Variants in CATSPERD observed in about 807,000 individuals in gnomAD.
The protein encoded by CATSPERD is catsper channel auxiliary subunit delta, also known as cation channel sperm-associated auxiliary subunit delta.
CATSPERD carries 86 observed loss-of-function variants against 98.1 expected under a neutral mutation model. The ratio of observed to expected loss-of-function variants is 0.88; its 90% CI spans 0.74 to 1.05. The LOEUF (loss-of-function observed/expected upper bound fraction) is 1.05, where lower values mean the gene tolerates loss of function less well. Among genes scored for constraint, CATSPERD ranks in the 50% least tolerant of loss-of-function variants. The probability of loss-of-function intolerance (pLI) is 0.00; values close to 1 mark genes in which losing one functional copy is unlikely to be tolerated. For missense variants in CATSPERD, 995 were observed against 1,005.7 expected (o/e 0.99, Z 0.14); for synonymous variants, 394 against 390.2 (o/e 1.01, Z -0.12).
At chr19:5,751,054 A>G (rs1391830334) in intron 11 of CATSPERD, among the ~76,000 whole-genome samples, 1 of 151,016 alleles carries the variant, frequency 6.6e-6, no homozygotes, top group Non-Finnish European at 1.5e-5. Context: ...CTCTACTAAA[A>G]ATACAAAAAT....
Position 5,749,141 on chromosome 19 carries a change from G to A in CATSPERD, c.945G>A (p.Leu315=). ...CAGTTATAACTCGGGAGGATAATTT[G>A]TATTATGGCAATCTGGGCATCGTGC... ...ELAVITREDN[L]YYGNLGIVPS... Residue 315 remains leucine, a synonymous_variant, in exon 11 of 22, where the codon TTG becomes TTA. Transcript: ENST00000381624. 1 of 1,612,668 alleles carries A rather than the reference G, an allele frequency of 6.2e-7. No individual in the cohort carries two copies. The highest frequency in any genetic ancestry group is 8.5e-7 in the Non-Finnish European group (1 of 1,179,446).
At chr19:5,746,138 G>A in intron 9 of CATSPERD, 75 bp downstream of exon 9, 1 of 1,532,448 alleles carries the variant, frequency 6.5e-7, no homozygotes, top group South Asian at 1.1e-5. Flanking sequence ...CCTGGATAAG[G>A]GGAGGGGAAG....
chr19:5,757,804 T>G (rs1262768455), intron 13 of CATSPERD, 39 bp from the exon 14 acceptor site: 1 of 1,545,582 alleles, frequency 6.5e-7, no homozygotes, highest in East Asian at 2.3e-5. Flanking sequence ...TCCTGCCTGC[T>G]GGCTCCGTAC....
chr19:5,768,199 G>A lies in CATSPERD; in HGVS notation c.1591G>A (p.Asp531Asn). The A allele has an allele frequency of 6.2e-7, 1 of 1,613,782 alleles. No individual in the cohort carries two copies. Among genetic ancestry groups the A allele is most frequent in the Non-Finnish European group, 8.5e-7 (1 of 1,179,824 alleles). Reference protein sequence around the residue: ...KVSACSMGILDPLTLQDNYSF... With the variant: ...KVSACSMGILNPLTLQDNYSF... The stretch of plus-strand genomic sequence containing the variant: ...TTCCGCCTGTTCCATGGGCATCCTG[G>A]ACCCCTTGACCCTGCAAGACAATTA... The change falls in exon 18 of 22, where the codon GAC (aspartate) becomes AAC (asparagine). Residue 531 changes from aspartate to asparagine, a missense_variant. By Grantham distance (23) the Asp-to-Asn change is conservative. Coordinates refer to ENST00000381624, the MANE Select transcript of CATSPERD (RefSeq NM_152784.4).
At chr19:5,772,658 C>A (rs1599598727) in intron 19 of CATSPERD, 130 bp from the exon 20 acceptor site, 2 of 851,786 alleles carry the variant, frequency 2.3e-6, no homozygotes, top group South Asian at 1.7e-5. Flanking sequence ...GAGCGGCAGG[C>A]GTCCTTTGGT....
intron 19 of CATSPERD, 100 bp downstream of exon 19, chr19:5,771,172 C>A: frequency 7.6e-7 from 1 of 1,307,596 alleles, no homozygotes; most frequent in Non-Finnish European, 1.0e-6. Context: ...CCCCTAGATC[C>A]CTCAAAATGA....
At chr19:5,764,699 C>T (rs2056506703) in intron 16 of CATSPERD, among the ~76,000 whole-genome samples, 1 of 151,928 alleles carries the variant, frequency 6.6e-6, no homozygotes, top group African/African-American at 2.4e-5. Context: ...TCACTGTAAC[C>T]TCCACCTCCT....
intron 15 of CATSPERD, among the ~76,000 whole-genome samples, chr19:5,759,380 G>T (rs140929857): frequency 1.3e-5 from 2 of 151,748 alleles, no homozygotes; most frequent in Admixed American, 1.3e-4. Context: ...TAGCCAACAC[G>T]GTGAAACCCC....
chr19:5,721,964 A>C (rs1208061680), intron 1 of CATSPERD, among the ~76,000 whole-genome samples: 1 of 150,578 alleles, frequency 6.6e-6, no homozygotes, highest in Admixed American at 6.6e-5. Flanking sequence ...CTGGGTGACA[A>C]AGGGAGACTC....
intron 20 of CATSPERD, among the ~76,000 whole-genome samples, chr19:5,775,481 C>CAA (rs35784220): frequency 0.025 from 2,563 of 102,802 alleles, 38 homozygotes; most frequent in Middle Eastern, 0.049. Flanking sequence ...ACTAAAAATA[C>CAA]AAAAAAAAAA....
At chr19:5,745,689 C>G (rs2056079687) in intron 8 of CATSPERD, among the ~76,000 whole-genome samples, 1 of 152,182 alleles carries the variant, frequency 6.6e-6, no homozygotes, top group Non-Finnish European at 1.5e-5. Flanking sequence ...TAGAGTAATT[C>G]TCTATTCAGA....
chr19:5,737,204 TG>T lies in CATSPERD; in HGVS notation c.459+1del. ...TGTTATACTGGAAGTTTGTTTTGTG[TG>T]GTAAGTATAAGTGTATAATTGTTCA... ...NCCYTGSLFC[V>X]HVSNLVFAYF... is the part of the protein sequence containing the mutation. On this transcript the variant is annotated frameshift_variant and splice_region_variant, in exon 6 of 22. Coordinates refer to ENST00000381624, the MANE Select transcript of CATSPERD (RefSeq NM_152784.4). LOFTEE classifies it high-confidence loss of function. 6.2e-7 allele frequency: 1 copy of T among 1,601,132 alleles called. No individual in the cohort carries two copies. The highest frequency in any genetic ancestry group is 8.6e-7 in the Non-Finnish European group (1 of 1,168,396).
At chr19:5,727,483 C>G (rs537135469) in intron 3 of CATSPERD, 139 bp downstream of exon 3, 2 of 648,524 alleles carry the variant, frequency 3.1e-6, no homozygotes, top group African/African-American at 1.8e-5. Flanking sequence ...AGTCCATAGT[C>G]AGGGGCTGGA....
chr19:5,739,116 C>T (rs934787623), intron 6 of CATSPERD, among the ~76,000 whole-genome samples: 1 of 152,210 alleles, frequency 6.6e-6, no homozygotes, highest in African/African-American at 2.4e-5. Flanking sequence ...CTGCCTGCCT[C>T]GGCCTCCCAG....
chr19:5,737,291 T>C lies in CATSPERD; in HGVS notation c.459+86T>C, dbSNP rs189696013. ...GAGTAGACATAAAGGCTGGGCGTGG[T>C]GGCTCATACCTGTAATCCCAGCACT... On this transcript the variant is annotated intron_variant, in intron 6 of 21. Transcript: ENST00000381624. 1,243 of 916,906 alleles carry C rather than the reference T, an allele frequency of 1.4e-3. 14 individuals carry two copies. In the Middle Eastern group the frequency reaches 0.017, roughly 13 times the overall value. The allele number at this position is 916,906 out of a possible 1,614,324, so 56.8% of individuals were successfully genotyped here.
At chr19:5,744,332 C>T (rs1040504714) in intron 7 of CATSPERD, 95 bp from the exon 8 acceptor site, 2 of 1,092,226 alleles carry the variant, frequency 1.8e-6, no homozygotes, top group African/African-American at 3.2e-5. Flanking sequence ...AAAGACTTTC[C>T]TTCATTGTAA....
chr19:5,741,782 AGGCG>A (rs2055969024), intron 7 of CATSPERD, among the ~76,000 whole-genome samples: 1 of 4,218 alleles, frequency 2.4e-4, no homozygotes, highest in Non-Finnish European at 6.1e-4. Context: ...GGGATGCTGA[AGGCG>A]GGGGGGGGGG....
intron 18 of CATSPERD, 102 bp downstream of exon 18, chr19:5,768,344 A>ATTTT (rs372798666): frequency 2.2e-5 from 15 of 686,826 alleles, no homozygotes; most frequent in East Asian, 4.8e-5. Context: ...TTATTTATTT[A>ATTTT]TTATTATTAT....
chr19:5,721,544 A>C (rs2055477711), intron 1 of CATSPERD, among the ~76,000 whole-genome samples: 2 of 152,240 alleles, frequency 1.3e-5, no homozygotes. Flanking sequence ...GCCCTCAGGG[A>C]ACTCCCATCT....
Sources: allele counts gnomAD v4.1 joint callset (sites outside exome capture counted in the v4.1 genomes callset), GRCh38; gene constraint gnomAD v4.1.1; transcripts MANE v1.5; gene names NCBI Gene and HGNC (gene_info 2026-07-23, HGNC 2026-07-21).